Variants in SLC8A1 observed in about 807,000 individuals in gnomAD.
SLC8A1 encodes sodium/calcium exchanger 1.
In SLC8A1, 18 loss-of-function variants were observed where a neutral mutation model predicts 68.3. The observed-to-expected ratio is 0.26, with a 90% CI of 0.18 to 0.39. The LOEUF is 0.39. SLC8A1 is among the 10% of genes least tolerant of loss of function. The pLI, the probability that SLC8A1 is intolerant of heterozygous loss-of-function variation, is 1.00. For missense variants in SLC8A1, 985 were observed against 1,156.7 expected (o/e 0.85, Z 2.15); for synonymous variants, 475 against 415.5 (o/e 1.14, Z -1.74).
At chr2:40,234,625 T>C (rs1402023064) in intron 2 of SLC8A1, among the ~76,000 whole-genome samples, 1 of 152,204 alleles carries the variant, frequency 6.6e-6, no homozygotes, top group Non-Finnish European at 1.5e-5. Flanking sequence ...GGCCAGAACT[T>C]CCAACAATAT....
chr2:40,164,898 G>C (rs1014667402), exon 5 of SLC8A1: 1 of 1,613,814 alleles, frequency 6.2e-7, no homozygotes, highest in Non-Finnish European at 8.5e-7. Flanking sequence ...AACTTGGTGT[G>C]CTCTCCCAGG....
exon 8 of SLC8A1, chr2:40,115,206 A>T: frequency 8.2e-7 from 1 of 1,222,570 alleles, no homozygotes; most frequent in Non-Finnish European, 1.1e-6. Context: ...CATAATTTTT[A>T]TGTATATATA....
intron 2 of SLC8A1, among the ~76,000 whole-genome samples, chr2:40,322,549 A>G (rs1309132057): frequency 6.7e-6 from 1 of 150,366 alleles, no homozygotes; most frequent in Non-Finnish European, 1.5e-5. Context: ...GGTGGTGCAC[A>G]CCTTTAGTAC....
At chr2:40,446,651 G>A (rs940043006) in intron 1 of SLC8A1, 3 of 152,192 alleles carry the variant, frequency 2.0e-5, no homozygotes, top group African/African-American at 7.2e-5. Context: ...TGACATCCCT[G>A]GGAACAGAGA....
At chr2:40,149,406 G>C (rs530810257) in intron 6 of SLC8A1, among the ~76,000 whole-genome samples, 1 of 152,306 alleles carries the variant, frequency 6.6e-6, no homozygotes, top group African/African-American at 2.4e-5. Flanking sequence ...ATACTGATAT[G>C]AGTTATGAAT....
At chr2:40,214,072 G>A (rs1453278501) in intron 2 of SLC8A1, among the ~76,000 whole-genome samples, 3 of 152,178 alleles carry the variant, frequency 2.0e-5, no homozygotes. Flanking sequence ...AGTCCCATTT[G>A]ATGAGGGCTA....
intron 1 of SLC8A1, among the ~76,000 whole-genome samples, chr2:40,475,141 A>C (rs1362182853): frequency 6.7e-6 from 1 of 148,598 alleles, no homozygotes; most frequent in Non-Finnish European, 1.5e-5. Flanking sequence ...TTATTTATTT[A>C]TTTATTTTTT....
chr2:40,333,330 C>G (rs199780796), intron 2 of SLC8A1, among the ~76,000 whole-genome samples: 1 of 148,860 alleles, frequency 6.7e-6, no homozygotes, highest in Non-Finnish European at 1.5e-5. Flanking sequence ...CCCAGTTACT[C>G]GGGAGGTTGA....
intron 2 of SLC8A1, among the ~76,000 whole-genome samples, chr2:40,248,572 G>A (rs895671034): frequency 6.6e-6 from 1 of 152,124 alleles, no homozygotes; most frequent in African/African-American, 2.4e-5. Context: ...GTTGTTATAA[G>A]CCACCTAGTC....
intron 2 of SLC8A1, among the ~76,000 whole-genome samples, chr2:40,334,025 C>T (rs1665131840): frequency 6.6e-6 from 1 of 152,060 alleles, no homozygotes; most frequent in Non-Finnish European, 1.5e-5. Context: ...TCAGCCTGGG[C>T]AACAAGAGAG....
At chr2:40,412,902 C>A (rs541030684) in intron 2 of SLC8A1, among the ~76,000 whole-genome samples, 18 of 152,120 alleles carry the variant, frequency 1.2e-4, no homozygotes, top group African/African-American at 4.3e-4. Flanking sequence ...GTTATCATTG[C>A]TGATTTTTTT....
exon 8 of SLC8A1, chr2:40,100,295 A>G (rs1482366605): frequency 6.6e-6 from 1 of 152,146 alleles, no homozygotes; most frequent in Non-Finnish European, 1.5e-5. Context: ...TCAAGGCTTG[A>G]GCCAATACAG....
intron 1 of SLC8A1, among the ~76,000 whole-genome samples, chr2:40,434,140 T>A (rs1452339570): frequency 6.6e-6 from 1 of 152,116 alleles, no homozygotes; most frequent in African/African-American, 2.4e-5. Flanking sequence ...AGCCAAAAGG[T>A]CACCAGATGT....
At chr2:40,227,948 C>A (rs2059187659) in intron 2 of SLC8A1, among the ~76,000 whole-genome samples, 1 of 152,060 alleles carries the variant, frequency 6.6e-6, no homozygotes, top group South Asian at 2.1e-4. Flanking sequence ...TGGTTATTAC[C>A]CATGTTTTAC....
chr2:40,492,355 A>G (rs1235036350), intron 1 of SLC8A1, among the ~76,000 whole-genome samples: 1 of 152,182 alleles, frequency 6.6e-6, no homozygotes, highest in East Asian at 1.9e-4. Flanking sequence ...AAGATGGATT[A>G]AAGACTTAAA....
chr2:40,261,560 T>C (rs1432293621), intron 2 of SLC8A1, among the ~76,000 whole-genome samples: 2 of 152,200 alleles, frequency 1.3e-5, no homozygotes, highest in East Asian at 1.9e-4. Flanking sequence ...TTCAGAGATT[T>C]AGGCAATGTT....
chr2:40,334,348 C>A lies in SLC8A1; in HGVS notation c.1808+94125G>T, dbSNP rs112544877. ...CAGTCAAATACTCAACGATTTAATA[C>A]CAAAGGCATAACCATTTCAGTTTTA... is the stretch of plus-strand genomic sequence containing the variant. On this transcript the variant is annotated intron_variant, in intron 2 of 7. Transcript: ENST00000406785. Among the ~76,000 whole-genome samples, 8 of 152,082 alleles carry A rather than the reference C, an allele frequency of 5.3e-5. No individual in the cohort carries two copies. In the South Asian group the frequency reaches 8.3e-4, roughly 16 times the overall value.
rs770874208 is a variant in SLC8A1 at position 40,241,501 on chromosome 2, C to T, written c.1809-63646G>A. 3.9e-5 allele frequency among the ~76,000 whole-genome samples: 6 copies of T among 152,204 alleles called. No individual in the cohort carries two copies. The South Asian group carries it at 1.0e-3, about 26-fold the overall frequency. On this transcript the variant is annotated intron_variant, in intron 2 of 7. Coordinates refer to ENST00000406785, the Ensembl canonical transcript of SLC8A1. Reference sequence around the variant, plus strand: ...AAAGTTGAAATTTAAATAATAAATTCCTTCCTCACAGGTATTAAAAAGCAC... The same window carrying T: ...AAAGTTGAAATTTAAATAATAAATTTCTTCCTCACAGGTATTAAAAAGCAC...
intron 2 of SLC8A1, among the ~76,000 whole-genome samples, chr2:40,332,157 G>C (rs2076481912): frequency 1.3e-5 from 2 of 152,056 alleles, no homozygotes; most frequent in South Asian, 4.2e-4. Context: ...CTTGTGTAGT[G>C]ACTTGGCAAC....
Sources: allele counts gnomAD v4.1 joint callset (sites outside exome capture counted in the v4.1 genomes callset), GRCh38; gene constraint gnomAD v4.1.1; transcripts MANE v1.5; gene names NCBI Gene and HGNC (gene_info 2026-07-23, HGNC 2026-07-21).